Variants in SOBP observed in about 807,000 individuals in gnomAD.
SOBP encodes the protein sine oculis-binding protein homolog.
In SOBP, 4 loss-of-function variants were observed where a neutral mutation model predicts 53.6. That is an observed-to-expected ratio of 0.07 (90% CI 0.04 to 0.17). The LOEUF (loss-of-function observed/expected upper bound fraction) is 0.17. Ranked by LOEUF, SOBP falls within the 10% of genes least tolerant of loss-of-function variation. The pLI is 1.00. For missense variants in SOBP, 1,088 were observed against 1,204.7 expected (o/e 0.90, Z 1.43); for synonymous variants, 584 against 522.6 (o/e 1.12, Z -1.60).
At chr6:107,504,882 A>G (rs1583149475) in intron 2 of SOBP, among the ~76,000 whole-genome samples, 1 of 152,232 alleles carries the variant, frequency 6.6e-6, no homozygotes, top group Admixed American at 6.5e-5. Flanking sequence ...ATGAGTTTGT[A>G]TTCTATAAAC....
At chr6:107,607,669 C>T (rs1399115627) in intron 5 of SOBP, among the ~76,000 whole-genome samples, 1 of 152,144 alleles carries the variant, frequency 6.6e-6, no homozygotes, top group Non-Finnish European at 1.5e-5. Flanking sequence ...CTTTTGTGTG[C>T]ATGTGAGGAG....
intron 4 of SOBP, among the ~76,000 whole-genome samples, chr6:107,542,677 TTAG>T (rs1191898505): frequency 6.6e-5 from 10 of 152,204 alleles, no homozygotes; most frequent in African/African-American, 2.4e-4. Flanking sequence ...GAATTATTCA[TTAG>T]TAGTTATGAA....
chr6:107,640,424 T>A (rs1029275025), intron 6 of SOBP, among the ~76,000 whole-genome samples: 5 of 152,106 alleles, frequency 3.3e-5, no homozygotes, highest in Admixed American at 1.3e-4. Context: ...AAGTTAAGGG[T>A]TAGCTTGTCT....
In SOBP at chr6:107,616,876, T is replaced by G. The variant is rs147685821; in HGVS notation, c.670-16638T>G. 1.7e-4 allele frequency among the ~76,000 whole-genome samples: 26 copies of G among 152,302 alleles called. No homozygotes were observed. In the East Asian group the frequency reaches 4.3e-3, roughly 25 times the overall value. On this transcript the variant is annotated intron_variant, in intron 5 of 6. Coordinates refer to ENST00000317357, the MANE Select transcript of SOBP (RefSeq NM_018013.4). Reference sequence around the variant, plus strand: ...ATCCCTATTCCATTGAAGTCTGGCCTCAGGCTGTCTTCTTGGGCAGTGCCA... The same window carrying G: ...ATCCCTATTCCATTGAAGTCTGGCCGCAGGCTGTCTTCTTGGGCAGTGCCA...
chr6:107,655,135 C>T (rs1008049071), intron 6 of SOBP, among the ~76,000 whole-genome samples: 1 of 151,970 alleles, frequency 6.6e-6, no homozygotes, highest in African/African-American at 2.4e-5. Context: ...ACAGTTTTTT[C>T]GTAAGATTCT....
chr6:107,533,715 A>G, intron 4 of SOBP, 105 bp downstream of exon 4: 1 of 1,404,712 alleles, frequency 7.1e-7, no homozygotes, highest in Non-Finnish European at 9.9e-7. Context: ...TTTTACTTTT[A>G]TATTTTTATT....
rs534788260 is a variant in SOBP at position 107,581,881 on chromosome 6, T to C, written c.574-5199T>C. ...CAACTTTGAGTTGAGCTGTTTTTGGTGTTCTTAAGTCCGGTAAAAATGCCA... is the reference window on the plus strand; with the variant it reads ...CAACTTTGAGTTGAGCTGTTTTTGGCGTTCTTAAGTCCGGTAAAAATGCCA... On this transcript the variant is annotated intron_variant, in intron 4 of 6. Transcript: ENST00000317357. Among the ~76,000 whole-genome samples, 12 of 152,320 alleles carry C rather than the reference T, an allele frequency of 7.9e-5. No individual in the cohort carries two copies. In the East Asian group the frequency reaches 1.9e-3, roughly 24 times the overall value.
At chr6:107,569,562 C>CT (rs1037243489) in intron 4 of SOBP, among the ~76,000 whole-genome samples, 1 of 152,172 alleles carries the variant, frequency 6.6e-6, no homozygotes, top group African/African-American at 2.4e-5. Flanking sequence ...CTTTTTTTGG[C>CT]TAGTGTTGCA....
intron 3 of SOBP, among the ~76,000 whole-genome samples, chr6:107,527,872 T>C (rs1290631062): frequency 1.3e-5 from 2 of 152,246 alleles, no homozygotes; most frequent in Admixed American, 1.3e-4. Context: ...TCCTTAGTTA[T>C]ATGCCATTGT....
chr6:107,542,800 A>G (rs1442243922), intron 4 of SOBP, among the ~76,000 whole-genome samples: 1 of 151,686 alleles, frequency 6.6e-6, no homozygotes, highest in Non-Finnish European at 1.5e-5. Flanking sequence ...GAGGAAAGGC[A>G]CCAGGGAGGG....
chr6:107,611,638 G>A (rs575366308), intron 5 of SOBP, among the ~76,000 whole-genome samples: 1 of 152,304 alleles, frequency 6.6e-6, no homozygotes, highest in Non-Finnish European at 1.5e-5. Context: ...TTGTTGCCAT[G>A]ACTATTTACA....
At chr6:107,584,005 C>T (rs372257736) in intron 4 of SOBP, among the ~76,000 whole-genome samples, 1 of 152,278 alleles carries the variant, frequency 6.6e-6, no homozygotes, top group South Asian at 2.1e-4. Context: ...ATCTGGGTTG[C>T]TCAACCTGTA....
At chr6:107,586,168 A>C (rs530259905) in intron 4 of SOBP, among the ~76,000 whole-genome samples, 1 of 152,372 alleles carries the variant, frequency 6.6e-6, no homozygotes, top group South Asian at 2.1e-4. Flanking sequence ...TGTAAAATGG[A>C]ATATGCATAA....
At chr6:107,551,889 T>G (rs916578486) in intron 4 of SOBP, among the ~76,000 whole-genome samples, 3 of 152,012 alleles carry the variant, frequency 2.0e-5, no homozygotes. Flanking sequence ...GGCATGGTGG[T>G]GCACACCTGT....
intron 5 of SOBP, among the ~76,000 whole-genome samples, chr6:107,630,750 GTCTCTC>G (rs60388300): frequency 0.03 from 4,429 of 148,568 alleles, 104 homozygotes; most frequent in African/African-American, 0.06. Context: ...CACACACTCT[GTCTCTC>G]TCTCTCTCTC....
At chr6:107,512,442 T>G (rs1261891213) in intron 3 of SOBP, among the ~76,000 whole-genome samples, 5 of 152,232 alleles carry the variant, frequency 3.3e-5, no homozygotes, top group African/African-American at 9.6e-5. Flanking sequence ...GAGCTTTAAA[T>G]TTGGTTCCCT....
intron 3 of SOBP, among the ~76,000 whole-genome samples, chr6:107,506,639 A>G (rs58601240): frequency 0.032 from 4,871 of 152,318 alleles, 248 homozygotes; most frequent in African/African-American, 0.11. Flanking sequence ...TAAACTTTCA[A>G]CTGACAGTAA....
At chr6:107,630,345 T>G (rs930280704) in intron 5 of SOBP, among the ~76,000 whole-genome samples, 1 of 152,206 alleles carries the variant, frequency 6.6e-6, no homozygotes, top group African/African-American at 2.4e-5. Context: ...AACCAGAGTT[T>G]ATGAGACACA....
intron 4 of SOBP, among the ~76,000 whole-genome samples, chr6:107,554,881 A>C (rs187105971): frequency 1.8e-3 from 278 of 152,186 alleles, no homozygotes; most frequent in Non-Finnish European, 3.3e-3. Flanking sequence ...GGTGGTGGAG[A>C]AACTGTTATT....
Sources: allele counts gnomAD v4.1 joint callset (sites outside exome capture counted in the v4.1 genomes callset), GRCh38; gene constraint gnomAD v4.1.1; transcripts MANE v1.5; gene names NCBI Gene and HGNC (gene_info 2026-07-23, HGNC 2026-07-21).